Variants in GANC observed in about 807,000 individuals in gnomAD.
GANC encodes neutral alpha-glucosidase C.
A neutral mutation model predicts 124.2 loss-of-function variants in GANC; 117 were observed. The observed-to-expected ratio is 0.94, with a 90% CI of 0.81 to 1.10. The LOEUF is 1.10. Ranked by LOEUF, GANC falls within the 50% of genes least tolerant of loss-of-function variation. GANC has a pLI of 0.00. For synonymous variants in GANC, 377 were observed against 376.8 expected (o/e 1.00, Z -0.01); for missense variants, 1,140 against 1,095.0 (o/e 1.04, Z -0.58).
chr15:42,353,173 A>G lies in GANC; in HGVS notation c.*1034A>G. 1.0e-6 allele frequency: 1 copy of G among 985,914 alleles called. No individual in the cohort carries two copies. Among genetic ancestry groups the G allele is most frequent in the Non-Finnish European group, 1.2e-6 (1 of 830,018 alleles). 61.1% of individuals were successfully genotyped at this position (985,914 alleles called of 1,614,324 possible). A position where few individuals can be genotyped will look rare whatever the true frequency, so the allele number is the denominator to read the frequency against. On this transcript the variant is annotated 3_prime_UTR_variant, in exon 24 of 24. Transcript: ENST00000318010. ...CGTGTCATGGTGCCCAAGGCTCCAC[A>G]GACCTCAGTGGCTCCCTGCTGCCTG... is the stretch of plus-strand genomic sequence containing the variant.
chr15:42,345,619 C>A, intron 19 of GANC, 139 bp from the exon 20 acceptor site: 1 of 592,434 alleles, frequency 1.7e-6, no homozygotes, highest in Non-Finnish European at 3.0e-6. Flanking sequence ...CTAACTTCTA[C>A]CCAATATATT....
chr15:42,352,590 C>A lies in GANC; in HGVS notation c.*451C>A, dbSNP rs2052459910. 9.9e-7 allele frequency: 1 copy of A among 1,010,104 alleles called. No homozygotes were observed. The highest frequency in any genetic ancestry group is 1.2e-6 in the Non-Finnish European group (1 of 843,550). 62.6% of individuals were successfully genotyped at this position (1,010,104 alleles called of 1,614,324 possible). ...GGACAGCAGCCTCTGGTACTCCCCCCAGTTATCTTCCACCCACATGGACTG... is the reference window on the plus strand; with the variant it reads ...GGACAGCAGCCTCTGGTACTCCCCCAAGTTATCTTCCACCCACATGGACTG... On this transcript the variant is annotated 3_prime_UTR_variant, in exon 24 of 24. Coordinates refer to ENST00000318010, the MANE Select transcript of GANC (RefSeq NM_198141.3).
chr15:42,310,931 T>C (rs1043852456), intron 10 of GANC, 85 bp downstream of exon 10: 86 of 1,426,432 alleles, frequency 6.0e-5, no homozygotes, highest in Non-Finnish European at 8.3e-5. Flanking sequence ...ATATTTGTTG[T>C]ATACTATGTA....
At chr15:42,326,166 T>G (rs1013568808) in intron 11 of GANC, 132 bp from the exon 12 acceptor site, 31 of 665,610 alleles carry the variant, frequency 4.7e-5, no homozygotes, top group Non-Finnish European at 7.7e-5. Flanking sequence ...TTTTGTTTTT[T>G]TGTCTGAAAT....
intron 7 of GANC, among the ~76,000 whole-genome samples, chr15:42,307,033 A>C (rs755085285): frequency 4.6e-5 from 7 of 152,146 alleles, no homozygotes; most frequent in Non-Finnish European, 1.0e-4. Flanking sequence ...TGGGTATCAC[A>C]TGCCCATCTG....
chr15:42,317,624 AT>A (rs1182236088), intron 10 of GANC, among the ~76,000 whole-genome samples: 4 of 152,092 alleles, frequency 2.6e-5, no homozygotes, highest in Admixed American at 6.6e-5. Flanking sequence ...TAAATTGTGC[AT>A]TTTAGATGGG....
At chr15:42,277,202 A>G (rs539190863) in intron 2 of GANC, among the ~76,000 whole-genome samples, 2 of 152,316 alleles carry the variant, frequency 1.3e-5, no homozygotes, top group South Asian at 4.1e-4. Flanking sequence ...TTCCCTCCAT[A>G]GGAATTATAC....
In GANC at chr15:42,352,518, G is replaced by C; in HGVS notation, c.*379G>C. Reference sequence around the variant, plus strand: ...GGCTTGCCTCAGGCCATGCAGCATTGGCGCTCTGGCTGCAGCAGCTGAGTT... The same window carrying C: ...GGCTTGCCTCAGGCCATGCAGCATTCGCGCTCTGGCTGCAGCAGCTGAGTT... On this transcript the variant is annotated 3_prime_UTR_variant, in exon 24 of 24. Transcript: ENST00000318010. The C allele has an allele frequency of 9.6e-7, 1 of 1,038,650 alleles. No homozygotes were observed. The highest frequency in any genetic ancestry group is 1.2e-6 in the Non-Finnish European group (1 of 861,122). 64.3% of individuals were successfully genotyped at this position (1,038,650 alleles called of 1,614,324 possible). A position where few individuals can be genotyped will look rare whatever the true frequency, so the allele number is the denominator to read the frequency against.
chr15:42,297,729 CT>C, intron 6 of GANC, 73 bp downstream of exon 6: 1 of 1,103,134 alleles, frequency 9.1e-7, no homozygotes, highest in Non-Finnish European at 1.3e-6. Context: ...AAGGAATTCT[CT>C]TTCTTCCTTC....
intron 15 of GANC, among the ~76,000 whole-genome samples, chr15:42,335,836 G>A (rs781371397): frequency 6.6e-5 from 10 of 152,094 alleles, no homozygotes; most frequent in Non-Finnish European, 1.3e-4. Context: ...GTCAAGCCTA[G>A]AGCCAAATCA....
At position 42,353,338 on chromosome 15, in the gene GANC, C is replaced by T. The variant is rs980871056; in HGVS notation, c.*1199C>T. The stretch of plus-strand genomic sequence containing the variant: ...CCCTGGGCGCCAATATCCTCCTGCC[C>T]TTACCATCCTTCCAGGCCCAACTTA... On this transcript the variant is annotated 3_prime_UTR_variant, in exon 24 of 24. Coordinates refer to ENST00000318010, the MANE Select transcript of GANC (RefSeq NM_198141.3). 3 of 986,152 alleles carry T rather than the reference C, an allele frequency of 3.0e-6. No homozygotes were observed. Among genetic ancestry groups the T allele is most frequent in the Admixed American group, 1.2e-4 (2 of 16,264 alleles). The allele number at this position is 986,152 out of a possible 1,614,324, so 61.1% of individuals were successfully genotyped here. A position where few individuals can be genotyped will look rare whatever the true frequency, so the allele number is the denominator to read the frequency against.
intron 3 of GANC, chr15:42,283,784 T>G (rs984711393): frequency 2.8e-6 from 2 of 702,488 alleles, no homozygotes; most frequent in African/African-American, 3.5e-5. Flanking sequence ...CTACCGCTTA[T>G]TAGCCAGTAC....
chr15:42,289,231 A>G (rs1367899613), intron 4 of GANC, among the ~76,000 whole-genome samples: 1 of 152,206 alleles, frequency 6.6e-6, no homozygotes, highest in East Asian at 1.9e-4. Flanking sequence ...CCTTGATTTC[A>G]GAACTGAGTT....
rs1309580007 is a variant in GANC, at chr15:42,351,346, G to T, written c.2549G>T (p.Gly850Val). ...TATTCCAGTTTTGCTGACCAGAGGGGTCATTATCCCAGCAAGTGTGTGGTG... is the reference window on the plus strand; with the variant it reads ...TATTCCAGTTTTGCTGACCAGAGGGTTCATTATCCCAGCAAGTGTGTGGTG... ...VLINSFADQR[G>V]HYPSKCVVEK... The change falls in exon 23 of 24, where the codon GGT becomes GTT. Residue 850 changes from glycine (G) to valine (V), a missense_variant. Gly to Val is a moderately radical substitution (Grantham distance 109). Transcript: ENST00000318010. The T allele has an allele frequency of 6.2e-7, 1 of 1,613,928 alleles. No individual in the cohort carries two copies. The highest frequency in any genetic ancestry group is 8.5e-7 in the Non-Finnish European group (1 of 1,179,880).
intron 13 of GANC, among the ~76,000 whole-genome samples, chr15:42,328,909 T>C (rs748051380): frequency 2.6e-5 from 4 of 152,232 alleles, no homozygotes; most frequent in Non-Finnish European, 5.9e-5. Flanking sequence ...TGTTCAGCTA[T>C]AGTTGCCCTT....
chr15:42,331,242 C>T (rs368801613), intron 15 of GANC, among the ~76,000 whole-genome samples: 9 of 152,274 alleles, frequency 5.9e-5, no homozygotes, highest in African/African-American at 1.4e-4. Context: ...ATGGCCACTT[C>T]GTTGTTGGGA....
intron 20 of GANC, among the ~76,000 whole-genome samples, chr15:42,347,653 A>G (rs1468080694): frequency 6.6e-6 from 1 of 152,212 alleles, no homozygotes; most frequent in Non-Finnish European, 1.5e-5. Context: ...AGAAACCACC[A>G]TCAGTTATAC....
chr15:42,345,213 TAAA>T (rs768174264), intron 19 of GANC, among the ~76,000 whole-genome samples: 1 of 144,420 alleles, frequency 6.9e-6, no homozygotes. Context: ...GTGCTTTGTT[TAAA>T]AAAAAAAAAA....
At chr15:42,289,872 A>T (rs953356110) in intron 4 of GANC, among the ~76,000 whole-genome samples, 8 of 152,206 alleles carry the variant, frequency 5.3e-5, no homozygotes, top group Non-Finnish European at 8.8e-5. Flanking sequence ...CTAATCCATT[A>T]TACCTGGGTG....
Sources: allele counts gnomAD v4.1 joint callset (sites outside exome capture counted in the v4.1 genomes callset), GRCh38; gene constraint gnomAD v4.1.1; transcripts MANE v1.5; gene names NCBI Gene and HGNC (gene_info 2026-07-23, HGNC 2026-07-21).